The following TUBB8 variants were observed in gnomAD, a reference collection of about 807,000 sequenced individuals.
The protein encoded by TUBB8 is tubulin beta 8 class VIII.
In TUBB8, 25 loss-of-function variants were observed where a neutral mutation model predicts 33.7. That is an observed-to-expected ratio of 0.74 (90% CI 0.54 to 1.04). TUBB8 has a LOEUF of 1.04. Ranked by LOEUF, TUBB8 falls within the 50% of genes least tolerant of loss-of-function variation. TUBB8 has a pLI of 0.00. For missense variants in TUBB8, 279 were observed against 608.0 expected, an observed-to-expected ratio of 0.46 and a Z score of 5.69; for synonymous variants, 245 against 240.1, an observed-to-expected ratio of 1.02 and a Z score of -0.19.
chr10:55,394 A>G (rs1834518298), intron 1 of TUBB8, among the ~76,000 whole-genome samples: 1 of 152,150 alleles, frequency 6.6e-6, no homozygotes, highest in South Asian at 2.1e-4. Context: ...ATCGCTATTA[A>G]TTGCTTTTCA....
chr10:76,153 A>C (rs1415594936), upstream of TUBB8, among the ~76,000 whole-genome samples: 15 of 150,850 alleles, frequency 9.9e-5, 1 homozygote, highest in Admixed American at 4.6e-4. Flanking sequence ...AAAAAAAAAA[A>C]AAAAAAACAC....
In TUBB8 at chr10:64,620, C is replaced by T. The variant is rs1834645821; in HGVS notation, c.-846+9349G>A. Among the ~76,000 whole-genome samples, 3 of 152,264 alleles carry T rather than the reference C, an allele frequency of 2.0e-5. No homozygotes were observed. In the South Asian group the frequency reaches 6.2e-4, roughly 32 times the overall value. Reference sequence around the variant, plus strand: ...TCTAAGCAAACCCTAACACACTAGGCACACAAGAACAGAGGTGTGCATATT... The same window carrying T: ...TCTAAGCAAACCCTAACACACTAGGTACACAAGAACAGAGGTGTGCATATT... On this transcript the variant is annotated intron_variant, in intron 1 of 3. Transcript: ENST00000564130.
At chr10:74,389 G>T (rs1351728872), upstream of TUBB8, among the ~76,000 whole-genome samples, 1 of 151,342 alleles carries the variant, frequency 6.6e-6, no homozygotes, top group Admixed American at 6.6e-5. Flanking sequence ...TACTTTGGGA[G>T]GCCGAGTCGG....
At chr10:67,316 A>G (rs1485247717) in intron 1 of TUBB8, among the ~76,000 whole-genome samples, 7 of 152,248 alleles carry the variant, frequency 4.6e-5, no homozygotes, top group African/African-American at 9.6e-5. Context: ...CTTAAGAATT[A>G]TTAAGTCTTC....
At chr10:75,262 T>C (rs1269775580), upstream of TUBB8, among the ~76,000 whole-genome samples, 1 of 152,018 alleles carries the variant, frequency 6.6e-6, no homozygotes, top group East Asian at 1.9e-4. Flanking sequence ...GGCCGGAGGA[T>C]TGCTGGAGCC....
rs1381240090 is a variant in TUBB8, at chr10:64,437, CCCCTAA to C, written c.-846+9526_-846+9531del. On this transcript the variant is annotated intron_variant, in intron 1 of 3. Coordinates refer to the TUBB8 transcript ENST00000564130. The stretch of plus-strand genomic sequence containing the variant: ...CCTAACCCTTAACCCTAACCCTTAA[CCCCTAA>C]CCCTAACTCTAAAACCCTAACCCCA... Among the ~76,000 whole-genome samples the C allele has an allele frequency of 2.6e-5, 4 of 151,878 alleles. No homozygotes were observed. The East Asian group carries it at 5.8e-4, about 22-fold the overall frequency.
At chr10:71,689 G>A (rs1180303717) in intron 1 of TUBB8, among the ~76,000 whole-genome samples, 1 of 152,002 alleles carries the variant, frequency 6.6e-6, no homozygotes, top group Non-Finnish European at 1.5e-5. Flanking sequence ...CACTTTGGGA[G>A]GCTGACATGT....
upstream of TUBB8, among the ~76,000 whole-genome samples, chr10:75,823 A>G (rs1181024937): frequency 2.0e-5 from 3 of 151,854 alleles, no homozygotes; most frequent in African/African-American, 7.3e-5. Context: ...TGTTTCCACT[A>G]CGTTAACAAA....
upstream of TUBB8, chr10:74,221 C>T (rs1431523070): frequency 1.3e-5 from 2 of 151,522 alleles, no homozygotes; most frequent in African/African-American, 4.8e-5. Flanking sequence ...CGCCCCCTCG[C>T]GACAGCTCTG....
At chr10:58,616 GC>G (rs782814460) in intron 1 of TUBB8, among the ~76,000 whole-genome samples, 22 of 152,200 alleles carry the variant, frequency 1.4e-4, no homozygotes, top group Non-Finnish European at 2.6e-4. Context: ...AAAAGCAGGA[GC>G]AGAAAACAGA....
chr10:64,511 CACCCTA>C (rs1478269000), intron 1 of TUBB8, among the ~76,000 whole-genome samples: 8 of 87,378 alleles, frequency 9.2e-5, no homozygotes, highest in African/African-American at 2.1e-4. Flanking sequence ...CCCTCACCCT[CACCCTA>C]ACCCTTAACC....
intron 1 of TUBB8, among the ~76,000 whole-genome samples, chr10:73,120 G>T (rs1834759682): frequency 6.6e-6 from 1 of 152,216 alleles, no homozygotes; most frequent in Non-Finnish European, 1.5e-5. Flanking sequence ...CAAATACACT[G>T]CAAATTAAAC....
upstream of TUBB8, among the ~76,000 whole-genome samples, chr10:76,218 G>C (rs1260871357): frequency 1.3e-5 from 2 of 150,748 alleles, no homozygotes; most frequent in African/African-American, 4.9e-5. Context: ...GCCCCTGCCA[G>C]TCCCCAGCCT....
chr10:52,192 C>T (rs147167440), upstream of TUBB8, among the ~76,000 whole-genome samples: 5,162 of 133,428 alleles, frequency 0.039, no homozygotes, highest in African/African-American at 0.085. Context: ...TACCCTAGGG[C>T]CTCTCACTTA....
upstream of TUBB8, among the ~76,000 whole-genome samples, chr10:51,186 G>A (rs1554739533): frequency 6.6e-6 from 1 of 152,114 alleles, no homozygotes; most frequent in Non-Finnish European, 1.5e-5. Flanking sequence ...TCAGGCTGGA[G>A]TGCAACCTCT....
intron 1 of TUBB8, among the ~76,000 whole-genome samples, chr10:65,416 T>C (rs138586528): frequency 0.024 from 3,626 of 152,148 alleles, 43 homozygotes; most frequent in Middle Eastern, 0.058. Context: ...ATGTCTAGTA[T>C]AATTATTCAA....
chr10:65,348 A>G (rs1198800269), intron 1 of TUBB8, among the ~76,000 whole-genome samples: 1 of 152,254 alleles, frequency 6.6e-6, no homozygotes, highest in African/African-American at 2.4e-5. Context: ...TCCCATCCGC[A>G]ATTTAATACT....
Position 47,447 on chromosome 10 carries a change from G to C in TUBB8, c.945C>G (p.Ala315=). 6.2e-7 allele frequency: 1 copy of C among 1,610,998 alleles called. No individual in the cohort carries two copies. The highest frequency in any genetic ancestry group is 8.5e-7 in the Non-Finnish European group (1 of 1,179,824). The stretch of plus-strand genomic sequence containing the variant: ...TCATGGGCATGCGACCCCTGAAAAT[G>C]GCAGCCGCCGTTAGGTAGCGGCCGT... ...PRHGRYLTAA[A]IFRGRMPMRE... The change falls in exon 4 of 4, where the codon GCC becomes GCG. Residue 315 remains alanine, a synonymous_variant. Transcript: ENST00000568584.
upstream of TUBB8, among the ~76,000 whole-genome samples, chr10:53,337 G>A (rs543524796): frequency 0.012 from 1,825 of 151,170 alleles, 40 homozygotes; most frequent in African/African-American, 0.042. Flanking sequence ...TCTGTTGGCC[G>A]GGCTGGTCTC....
Sources: allele counts gnomAD v4.1 joint callset (sites outside exome capture counted in the v4.1 genomes callset), GRCh38; gene constraint gnomAD v4.1.1; transcripts MANE v1.5; gene names NCBI Gene and HGNC (gene_info 2026-07-23, HGNC 2026-07-21).